The following ROBO2 variants were observed in gnomAD, a reference collection of about 807,000 sequenced individuals.
The protein encoded by ROBO2 is roundabout homolog 2.
A neutral mutation model predicts 160.8 loss-of-function variants in ROBO2; 53 were observed. The ratio of observed to expected loss-of-function variants is 0.33; its 90% CI spans 0.26 to 0.41. The LOEUF (loss-of-function observed/expected upper bound fraction) is 0.41. ROBO2 is among the 10% of genes least tolerant of loss of function. The pLI is 1.00. For missense variants in ROBO2, 1,577 were observed against 1,722.4 expected (o/e 0.92, Z 1.49); for synonymous variants, 664 against 611.7 (o/e 1.09, Z -1.26).
chr3:76,794,875 T>A (rs1018108075), intron 2 of ROBO2, among the ~76,000 whole-genome samples: 2 of 151,990 alleles, frequency 1.3e-5, no homozygotes, highest in African/African-American at 4.8e-5. Context: ...AAAATAAAAG[T>A]AATGACTACC....
At chr3:76,793,436 G>A (rs1447197478) in intron 2 of ROBO2, among the ~76,000 whole-genome samples, 1 of 151,750 alleles carries the variant, frequency 6.6e-6, no homozygotes, top group Non-Finnish European at 1.5e-5. Context: ...ACAGGAAATG[G>A]AAAACAATTG....
intron 2 of ROBO2, among the ~76,000 whole-genome samples, chr3:76,922,656 A>T (rs1342905075): frequency 6.6e-6 from 1 of 152,194 alleles, no homozygotes; most frequent in East Asian, 1.9e-4. Context: ...GGGTACTTGG[A>T]ATAGGAAATT....
chr3:77,090,912 A>T (rs80246223), intron 1 of ROBO2, among the ~76,000 whole-genome samples: 1 of 152,278 alleles, frequency 6.6e-6, no homozygotes, highest in African/African-American at 2.4e-5. Context: ...GGGGAACAAT[A>T]TTTTGTTAAA....
chr3:77,642,956 C>T lies in ROBO2; in HGVS notation c.3935-1748C>T, dbSNP rs1406627096. The stretch of plus-strand genomic sequence containing the variant: ...GGTGTCGGATCAGGTGTGTTCTGCA[C>T]AGTCCCAAGAAAGTGTGGACTGTTA... On this transcript the variant is annotated intron_variant, in intron 24 of 25. Transcript: ENST00000461745. The T allele has an allele frequency of 2.0e-5, 9 of 456,236 alleles. No homozygotes were observed. The highest frequency in any genetic ancestry group is 3.1e-5 in the Non-Finnish European group (7 of 226,730). 28.3% of individuals were successfully genotyped at this position (456,236 alleles called of 1,614,324 possible).
intron 2 of ROBO2, among the ~76,000 whole-genome samples, chr3:76,986,706 C>G (rs942124276): frequency 1.3e-5 from 2 of 152,000 alleles, no homozygotes; most frequent in African/African-American, 4.8e-5. Flanking sequence ...ATAATCACCA[C>G]TAGAAAAATA....
At chr3:76,223,587 A>G (rs947076300) in intron 2 of ROBO2, among the ~76,000 whole-genome samples, 17 of 152,246 alleles carry the variant, frequency 1.1e-4, no homozygotes, top group Middle Eastern at 3.4e-3. Context: ...TTTTTCCCCA[A>G]TCGGTGCCCT....
At chr3:76,843,321 AG>A (rs1306465837) in intron 2 of ROBO2, among the ~76,000 whole-genome samples, 1 of 151,842 alleles carries the variant, frequency 6.6e-6, no homozygotes, top group African/African-American at 2.4e-5. Context: ...TTCCAGAAGA[AG>A]GGTTGAGAGG....
intron 2 of ROBO2, among the ~76,000 whole-genome samples, chr3:76,751,578 G>T (rs13092372): frequency 0.65 from 98,178 of 151,932 alleles, 31,869 homozygotes; most frequent in African/African-American, 0.71. Context: ...AACCTGCAAA[G>T]AACTTAAATT....
At chr3:76,352,301 T>C (rs2074923698) in intron 2 of ROBO2, among the ~76,000 whole-genome samples, 1 of 151,974 alleles carries the variant, frequency 6.6e-6, no homozygotes, top group African/African-American at 2.4e-5. Flanking sequence ...TGGCTATGAC[T>C]AGTTGGAGTG....
intron 2 of ROBO2, among the ~76,000 whole-genome samples, chr3:76,489,879 A>G (rs2079719829): frequency 6.6e-6 from 1 of 152,128 alleles, no homozygotes; most frequent in African/African-American, 2.4e-5. Context: ...TATACCTGAA[A>G]ACAAAAAGCC....
At chr3:77,478,396 A>G (rs2084295153) in intron 3 of ROBO2, among the ~76,000 whole-genome samples, 1 of 152,234 alleles carries the variant, frequency 6.6e-6, no homozygotes, top group African/African-American at 2.4e-5. Context: ...GGAAATCAAA[A>G]CAGCTGACTG....
intron 2 of ROBO2, among the ~76,000 whole-genome samples, chr3:76,667,696 G>T (rs930243327): frequency 3.3e-5 from 5 of 151,716 alleles, no homozygotes; most frequent in African/African-American, 1.2e-4. Context: ...ATTTTTAGCA[G>T]TGATCAGACT....
intron 16 of ROBO2, among the ~76,000 whole-genome samples, chr3:77,584,363 C>T (rs2093989743): frequency 1.3e-5 from 2 of 152,068 alleles, no homozygotes; most frequent in Non-Finnish European, 1.5e-5. Flanking sequence ...CTTCAGTTTT[C>T]CCTGCTTTTA....
At chr3:76,664,339 G>C (rs2091939734) in intron 2 of ROBO2, among the ~76,000 whole-genome samples, 1 of 151,954 alleles carries the variant, frequency 6.6e-6, no homozygotes. Flanking sequence ...GGTGAGGGAA[G>C]AAAAACTGAA....
At chr3:76,919,261 C>T (rs535608915) in intron 2 of ROBO2, among the ~76,000 whole-genome samples, 1 of 152,206 alleles carries the variant, frequency 6.6e-6, no homozygotes, top group East Asian at 1.9e-4. Flanking sequence ...TGATAGCAAA[C>T]AATTTTTGAT....
intron 2 of ROBO2, among the ~76,000 whole-genome samples, chr3:76,586,214 A>G (rs779947459): frequency 6.6e-6 from 1 of 152,214 alleles, no homozygotes; most frequent in Non-Finnish European, 1.5e-5. Flanking sequence ...AATCATAGCT[A>G]TGTTTATAGC....
intron 2 of ROBO2, among the ~76,000 whole-genome samples, chr3:76,981,795 G>C (rs1436901094): frequency 1.3e-5 from 2 of 152,250 alleles, no homozygotes; most frequent in East Asian, 3.9e-4. Context: ...CATGCTGACA[G>C]GTGAACGGGG....
At chr3:76,611,425 T>C (rs1054413154) in intron 2 of ROBO2, among the ~76,000 whole-genome samples, 1 of 152,216 alleles carries the variant, frequency 6.6e-6, no homozygotes, top group African/African-American at 2.4e-5. Context: ...GGAAGGCTTT[T>C]TATTACAGCT....
Position 76,403,621 on chromosome 3 carries a change from CT to C in ROBO2, c.109+466021del, listed in dbSNP as rs1264011609. Among the ~76,000 whole-genome samples, 3 of 151,534 alleles carry C rather than the reference CT, an allele frequency of 2.0e-5. No homozygotes were observed. The Admixed American group carries it at 2.0e-4, about 10-fold the overall frequency. On this transcript the variant is annotated intron_variant, in intron 2 of 26. Transcript: ENST00000487694. ...TAGGTGCTTTAACTGCAGGCCACCA[CT>C]TCTGTACAAGGTATGGTTTGAAGAC...
Sources: allele counts gnomAD v4.1 joint callset (sites outside exome capture counted in the v4.1 genomes callset), GRCh38; gene constraint gnomAD v4.1.1; transcripts MANE v1.5; gene names NCBI Gene and HGNC (gene_info 2026-07-23, HGNC 2026-07-21).